The following ZFAND3 variants were observed in gnomAD, a reference collection of about 807,000 sequenced individuals.
The protein encoded by ZFAND3 is AN1-type zinc finger protein 3.
A neutral mutation model predicts 29.6 loss-of-function variants in ZFAND3; 10 were observed. The ratio of observed to expected loss-of-function variants is 0.34; its 90% CI spans 0.21 to 0.57. The LOEUF (loss-of-function observed/expected upper bound fraction) is 0.57, where lower values mean the gene tolerates loss of function less well. ZFAND3 is among the 20% of genes least tolerant of loss of function. The pLI is 0.86. For missense variants in ZFAND3, 230 were observed against 304.5 expected (o/e 0.76, Z 1.82); for synonymous variants, 128 against 112.6 (o/e 1.14, Z -0.87).
chr6:37,876,533 A>G (rs1561919430), intron 1 of ZFAND3, among the ~76,000 whole-genome samples: 1 of 152,232 alleles, frequency 6.6e-6, no homozygotes, highest in Non-Finnish European at 1.5e-5. Flanking sequence ...TAAAGGCTGT[A>G]TATTTGGAAT....
intron 2 of ZFAND3, among the ~76,000 whole-genome samples, chr6:37,962,771 G>A (rs181764234): frequency 1.3e-5 from 2 of 152,256 alleles, no homozygotes; most frequent in Admixed American, 1.3e-4. Context: ...CAACCCTCTC[G>A]GGTCCCCTTC....
At chr6:37,837,216 T>C (rs1763983881) in intron 1 of ZFAND3, among the ~76,000 whole-genome samples, 2 of 152,216 alleles carry the variant, frequency 1.3e-5, no homozygotes, top group African/African-American at 4.8e-5. Flanking sequence ...ACTTCTTGGC[T>C]GATACTGGTT....
At chr6:38,097,269 T>TTTA (rs1479645076) in intron 4 of ZFAND3, among the ~76,000 whole-genome samples, 1 of 149,714 alleles carries the variant, frequency 6.7e-6, no homozygotes, top group African/African-American at 2.5e-5. Flanking sequence ...TTTTTTTTTT[T>TTTA]AAGAGACGGA....
At chr6:38,126,040 T>A (rs1460263254) in intron 5 of ZFAND3, among the ~76,000 whole-genome samples, 1 of 152,212 alleles carries the variant, frequency 6.6e-6, no homozygotes, top group African/African-American at 2.4e-5. Flanking sequence ...AGTTGTACAA[T>A]ACTTCCATCA....
chr6:37,937,484 G>A (rs1189036138), intron 2 of ZFAND3, among the ~76,000 whole-genome samples: 1 of 151,590 alleles, frequency 6.6e-6, no homozygotes, highest in African/African-American at 2.4e-5. Context: ...GTGAAACCCC[G>A]TCTCTACTAA....
At chr6:38,098,650 G>A (rs1277296511) in intron 4 of ZFAND3, among the ~76,000 whole-genome samples, 3 of 151,998 alleles carry the variant, frequency 2.0e-5, no homozygotes, top group Admixed American at 6.6e-5. Context: ...ACAGGTGTGT[G>A]CCACAATGCC....
chr6:37,988,754 T>C (rs1034266757), intron 2 of ZFAND3, among the ~76,000 whole-genome samples: 1 of 152,206 alleles, frequency 6.6e-6, no homozygotes, highest in Non-Finnish European at 1.5e-5. Flanking sequence ...TAGCTCCTCC[T>C]TTCCTCCCTC....
At chr6:38,071,738 A>G (rs984092601) in intron 3 of ZFAND3, among the ~76,000 whole-genome samples, 2 of 152,274 alleles carry the variant, frequency 1.3e-5, no homozygotes, top group South Asian at 2.1e-4. Flanking sequence ...AGAGAATGTC[A>G]TCTCTCTGCA....
At chr6:38,120,033 A>T (rs1466785813) in intron 5 of ZFAND3, among the ~76,000 whole-genome samples, 1 of 152,184 alleles carries the variant, frequency 6.6e-6, no homozygotes, top group Non-Finnish European at 1.5e-5. Flanking sequence ...TAGAAAAGGC[A>T]TGTGGTTGCG....
chr6:38,098,874 C>T (rs1007715209), intron 4 of ZFAND3, among the ~76,000 whole-genome samples: 3 of 151,964 alleles, frequency 2.0e-5, no homozygotes, highest in Non-Finnish European at 4.4e-5. Context: ...GTCTTCAATA[C>T]ATATATATAT....
intron 2 of ZFAND3, among the ~76,000 whole-genome samples, chr6:38,052,590 T>TATCC (rs750524298): frequency 2.0e-5 from 3 of 152,206 alleles, no homozygotes; most frequent in Non-Finnish European, 4.4e-5. Context: ...GACATTCATT[T>TATCC]ATCCAACAAA....
chr6:37,868,636 T>G (rs776546799), intron 1 of ZFAND3, among the ~76,000 whole-genome samples: 3 of 152,150 alleles, frequency 2.0e-5, no homozygotes, highest in Non-Finnish European at 4.4e-5. Flanking sequence ...GTGATGAGAT[T>G]TTTGTGAAAG....
At chr6:38,078,651 G>A (rs1764598340) in intron 3 of ZFAND3, among the ~76,000 whole-genome samples, 2 of 152,258 alleles carry the variant, frequency 1.3e-5, no homozygotes, top group Admixed American at 1.3e-4. Flanking sequence ...ACTGATACAG[G>A]CTAGAAGATA....
At chr6:38,006,717 A>G (rs1763056818) in intron 2 of ZFAND3, among the ~76,000 whole-genome samples, 1 of 149,238 alleles carries the variant, frequency 6.7e-6, no homozygotes. Context: ...GGACGAAGAA[A>G]TGGTGTGGAT....
chr6:37,836,538 T>C (rs1561905559), intron 1 of ZFAND3, among the ~76,000 whole-genome samples: 1 of 152,206 alleles, frequency 6.6e-6, no homozygotes. Context: ...ACATCTCTGC[T>C]CCTTGAAGGT....
At chr6:38,118,849 A>G (rs1201796563) in intron 5 of ZFAND3, among the ~76,000 whole-genome samples, 2 of 152,072 alleles carry the variant, frequency 1.3e-5, no homozygotes, top group Non-Finnish European at 2.9e-5. Context: ...GTAAATATAG[A>G]TTACTCTGCC....
intron 2 of ZFAND3, among the ~76,000 whole-genome samples, chr6:37,972,646 G>C (rs564075234): frequency 6.6e-6 from 1 of 151,988 alleles, no homozygotes; most frequent in East Asian, 1.9e-4. Context: ...GTTGGACCAG[G>C]TGCTATACTT....
chr6:37,886,318 A>G (rs962406500), intron 1 of ZFAND3, among the ~76,000 whole-genome samples: 5 of 150,328 alleles, frequency 3.3e-5, no homozygotes, highest in African/African-American at 1.2e-4. Flanking sequence ...CTTGATTACT[A>G]CAACCAACCT....
intron 2 of ZFAND3, among the ~76,000 whole-genome samples, chr6:37,940,722 T>C (rs1353169382): frequency 6.6e-6 from 1 of 152,036 alleles, no homozygotes; most frequent in African/African-American, 2.4e-5. Flanking sequence ...AAAGAGAGAG[T>C]GACAATTTTA....
Sources: allele counts gnomAD v4.1 joint callset (sites outside exome capture counted in the v4.1 genomes callset), GRCh38; gene constraint gnomAD v4.1.1; transcripts MANE v1.5; gene names NCBI Gene and HGNC (gene_info 2026-07-23, HGNC 2026-07-21).